STK32B: variants seen among roughly 807,000 people sequenced by gnomAD.
The protein encoded by STK32B is serine/threonine-protein kinase 32B.
A neutral mutation model predicts 52.6 loss-of-function variants in STK32B; 43 were observed. The ratio of observed to expected loss-of-function variants is 0.82; its 90% CI spans 0.64 to 1.05. STK32B has a LOEUF of 1.05. STK32B is among the 50% of genes least tolerant of loss of function. The pLI is 0.00. For missense variants in STK32B, 621 were observed against 534.6 expected (o/e 1.16, Z -1.59); for synonymous variants, 238 against 204.3 (o/e 1.17, Z -1.41).
intron 5 of STK32B, among the ~76,000 whole-genome samples, chr4:5,404,111 C>A (rs1253502479): frequency 6.6e-6 from 1 of 152,052 alleles, no homozygotes; most frequent in Non-Finnish European, 1.5e-5. Context: ...AGGACACCAG[C>A]AAATGGCCCC....
chr4:5,057,965 GAA>G (rs1405737178), intron 1 of STK32B, among the ~76,000 whole-genome samples: 1 of 148,944 alleles, frequency 6.7e-6, no homozygotes, highest in African/African-American at 2.5e-5. Flanking sequence ...CATAAGAAGA[GAA>G]AAACACACTC....
intron 2 of STK32B, among the ~76,000 whole-genome samples, chr4:5,162,325 T>G (rs1195999735): frequency 3.9e-5 from 6 of 152,084 alleles, no homozygotes; most frequent in Non-Finnish European, 4.4e-5. Context: ...CTGGGATACA[T>G]CTAAAAAAAT....
chr4:5,403,148 G>A (rs1320677637), intron 5 of STK32B, among the ~76,000 whole-genome samples: 1 of 152,128 alleles, frequency 6.6e-6, no homozygotes, highest in Non-Finnish European at 1.5e-5. Flanking sequence ...GCCAATCCTA[G>A]GGCTGGTAAA....
intron 2 of STK32B, among the ~76,000 whole-genome samples, chr4:5,147,441 C>G (rs1410905977): frequency 1.3e-5 from 2 of 152,042 alleles, no homozygotes; most frequent in African/African-American, 4.8e-5. Flanking sequence ...ATTGCAGTAG[C>G]TAAAACCCTC....
At chr4:5,261,045 G>A (rs1338973233) in intron 3 of STK32B, among the ~76,000 whole-genome samples, 5 of 152,114 alleles carry the variant, frequency 3.3e-5, no homozygotes, top group African/African-American at 7.2e-5. Flanking sequence ...TGGTCAAGGC[G>A]GCTCTTTAGT....
chr4:5,127,932 C>T (rs983950107), intron 1 of STK32B, among the ~76,000 whole-genome samples: 5 of 152,188 alleles, frequency 3.3e-5, no homozygotes, highest in Non-Finnish European at 5.9e-5. Flanking sequence ...CCTACACGAG[C>T]TCTCTTGCCT....
At chr4:5,232,708 C>T (rs1380221007) in intron 3 of STK32B, among the ~76,000 whole-genome samples, 2 of 152,110 alleles carry the variant, frequency 1.3e-5, no homozygotes, top group Non-Finnish European at 2.9e-5. Context: ...GAGATGAAGC[C>T]ATTTGCTGAG....
intron 11 of STK32B, among the ~76,000 whole-genome samples, chr4:5,477,666 G>A (rs1436158470): frequency 6.6e-6 from 1 of 152,132 alleles, no homozygotes; most frequent in Non-Finnish European, 1.5e-5. Flanking sequence ...ACTCCATATG[G>A]CAGTGATCAT....
At chr4:5,439,784 G>T (rs1425441238) in intron 6 of STK32B, among the ~76,000 whole-genome samples, 2 of 151,954 alleles carry the variant, frequency 1.3e-5, no homozygotes, top group African/African-American at 4.8e-5. Flanking sequence ...TTTTGTATAA[G>T]GTGTAAGGAA....
chr4:5,375,819 C>T (rs1735553949), intron 4 of STK32B, among the ~76,000 whole-genome samples: 1 of 152,054 alleles, frequency 6.6e-6, no homozygotes, highest in African/African-American at 2.4e-5. Flanking sequence ...GGGGAGTGCT[C>T]CACAATGGAG....
intron 3 of STK32B, among the ~76,000 whole-genome samples, chr4:5,309,519 G>T (rs1018598345): frequency 6.6e-6 from 1 of 152,140 alleles, no homozygotes; most frequent in African/African-American, 2.4e-5. Flanking sequence ...AAACAGTATG[G>T]TGTTGACATG....
At chr4:5,164,976 C>T (rs10000580) in intron 2 of STK32B, among the ~76,000 whole-genome samples, 3 of 152,004 alleles carry the variant, frequency 2.0e-5, no homozygotes, top group Non-Finnish European at 2.9e-5. Context: ...AAGTCCAGAG[C>T]GGCTGAGGTT....
Position 5,467,994 on chromosome 4 carries a change from G to T in STK32B, c.1042-12G>T. 1 of 1,614,016 alleles carries T rather than the reference G, an allele frequency of 6.2e-7. No individual in the cohort carries two copies. Among genetic ancestry groups the T allele is most frequent in the Non-Finnish European group, 8.5e-7 (1 of 1,179,940 alleles). On this transcript the variant is annotated splice_polypyrimidine_tract_variant and intron_variant, in intron 10 of 11. Transcript: ENST00000282908. The surrounding 1 kb of genome is among the most constrained non-coding windows in gnomAD (Gnocchi z 5.8). Reference sequence around the variant, plus strand: ...CTTTGTCATTTAGTCACCCCTCTGTGCTCTTTGACAGAATGGACACCTGCA... The same window carrying T: ...CTTTGTCATTTAGTCACCCCTCTGTTCTCTTTGACAGAATGGACACCTGCA...
chr4:5,219,008 C>T (rs899277535), intron 3 of STK32B, among the ~76,000 whole-genome samples: 7 of 152,188 alleles, frequency 4.6e-5, no homozygotes, highest in African/African-American at 1.7e-4. Flanking sequence ...AGACCAGCCC[C>T]AAATTGTGGG....
chr4:5,284,871 C>T (rs1280461771), intron 3 of STK32B, among the ~76,000 whole-genome samples: 1 of 152,110 alleles, frequency 6.6e-6, no homozygotes, highest in Non-Finnish European at 1.5e-5. Flanking sequence ...TGAATAACAC[C>T]ATGGACCCAT....
intron 11 of STK32B, among the ~76,000 whole-genome samples, chr4:5,483,893 C>T (rs927316264): frequency 5.9e-5 from 9 of 152,038 alleles, no homozygotes; most frequent in Admixed American, 1.3e-4. Context: ...TGTAGCTGAG[C>T]GGTTTTGAGT....
chr4:5,209,630 C>T (rs975923411), intron 3 of STK32B, among the ~76,000 whole-genome samples: 2 of 152,140 alleles, frequency 1.3e-5, no homozygotes, highest in East Asian at 1.9e-4. Context: ...GCTTTATCCC[C>T]TCAACTGAAC....
intron 3 of STK32B, among the ~76,000 whole-genome samples, chr4:5,306,290 C>T (rs551920769): frequency 1.6e-4 from 24 of 152,234 alleles, no homozygotes; most frequent in African/African-American, 5.8e-4. Context: ...CTTTCTAGTG[C>T]TGTCCGTGGA....
the STK32B span, among the ~76,000 whole-genome samples, chr4:5,034,646 T>C: frequency 1.3e-5 from 2 of 152,220 alleles, no homozygotes; most frequent in Non-Finnish European, 2.9e-5. Flanking sequence ...GTTGGGTACA[T>C]GTCAGATGTT....
Sources: gnomAD v4.1 joint callset for allele counts (sites outside exome capture counted in the v4.1 genomes callset) on GRCh38, gnomAD v4.1.1 for gene constraint, Gnocchi (gnomAD v3.1) non-coding constraint, MANE v1.5 for transcripts, NCBI Gene and HGNC (gene_info 2026-07-23, HGNC 2026-07-21) for gene names.